CSMD1: variants seen among roughly 807,000 people sequenced by gnomAD.
CSMD1 encodes the protein CUB and sushi domain-containing protein 1.
Under a neutral mutation model 417.5 loss-of-function variants are expected in CSMD1, and 213 were observed. The observed-to-expected ratio is 0.51, with a 90% confidence interval of 0.46 to 0.57. The LOEUF is 0.57. CSMD1 is among the 20% of genes least tolerant of loss of function. CSMD1 has a pLI of 0.00. For missense variants in CSMD1, 6,923 were observed against 4,529.7 expected, an observed-to-expected ratio of 1.53 and a Z score of -15.17; for synonymous variants, 2,862 against 1,736.8, an observed-to-expected ratio of 1.65 and a Z score of -16.11.
intron 3 of CSMD1, among the ~76,000 whole-genome samples, chr8:4,066,501 A>C (rs1799257236): frequency 6.6e-6 from 1 of 152,214 alleles, no homozygotes; most frequent in Admixed American, 6.5e-5. Flanking sequence ...TTGACTTGAT[A>C]GAAAACAATT....
intron 44 of CSMD1, 28 bp from the exon 45 acceptor site, chr8:3,107,826 T>G (rs1448980090): frequency 7.2e-7 from 1 of 1,392,798 alleles, no homozygotes; most frequent in Non-Finnish European, 1.0e-6. Context: ...AGAATAATAA[T>G]AATTGCAATT....
At chr8:4,745,392 G>T (rs535311397) in intron 1 of CSMD1, among the ~76,000 whole-genome samples, 1 of 152,138 alleles carries the variant, frequency 6.6e-6, no homozygotes, top group Non-Finnish European at 1.5e-5. Flanking sequence ...GCTTTAATAA[G>T]TATTAAATAT....
rs1803649378 is a variant in CSMD1 at position 3,292,440 on chromosome 8, CATT to C, written c.3951-8097_3951-8095del. 3.3e-5 allele frequency among the ~76,000 whole-genome samples: 5 copies of C among 152,158 alleles called. No homozygotes were observed. The South Asian group carries it at 1.0e-3, about 32-fold the overall frequency. ...TTGACAGTGGGGTGTTAAAGTCTCC[CATT>C]ATTATTGTGTGGGTGTCTGAGTCTC... is the stretch of plus-strand genomic sequence containing the variant. On this transcript the variant is annotated intron_variant, in intron 25 of 69. Transcript: ENST00000635120.
chr8:4,471,874 G>A (rs966544614), intron 2 of CSMD1, among the ~76,000 whole-genome samples: 80 of 152,218 alleles, frequency 5.3e-4, no homozygotes, highest in African/African-American at 1.9e-3. Flanking sequence ...TACAAAAAAT[G>A]GTGTTTCCAG....
chr8:3,969,299 G>C (rs761463394), intron 5 of CSMD1, among the ~76,000 whole-genome samples: 1 of 152,102 alleles, frequency 6.6e-6, no homozygotes, highest in Non-Finnish European at 1.5e-5. Context: ...ATGAGGCTGG[G>C]TGGAGAAAGG....
Position 2,957,774 on chromosome 8 carries a change from C to T in CSMD1, c.9736G>A (p.Gly3246Ser), listed in dbSNP as rs1347294481. The change falls in exon 63 of 70, where the codon GGC becomes AGC. Residue 3246 changes from glycine (G) to serine (S), a missense_variant. Physicochemically the swap from Gly to Ser is moderately conservative, Grantham distance 56. Transcript: ENST00000635120. ...GSTVFFRCRK[G>S]YHIQGSTTRT... ...GTCGTGGAACCTTGAATATGGTAGC[C>T]TTTTCTGCACCTGAAAAAAACCGTG... is the stretch of plus-strand genomic sequence containing the variant. The T allele has an allele frequency of 4.4e-6, 7 of 1,593,390 alleles. No individual in the cohort carries two copies. Among genetic ancestry groups the T allele is most frequent in the Admixed American group, 1.7e-5 (1 of 57,244 alleles).
At chr8:4,126,841 G>C (rs1802792259) in intron 3 of CSMD1, among the ~76,000 whole-genome samples, 1 of 152,144 alleles carries the variant, frequency 6.6e-6, no homozygotes, top group Non-Finnish European at 1.5e-5. Context: ...GACAAGTAAA[G>C]TGGATGTTGG....
intron 6 of CSMD1, among the ~76,000 whole-genome samples, chr8:3,727,713 G>T (rs1006914830): frequency 3.9e-5 from 6 of 152,204 alleles, no homozygotes; most frequent in Non-Finnish European, 7.3e-5. Context: ...GGGGCAGAAA[G>T]ACTGTCCATA....
chr8:4,753,795 T>A (rs1811496009), intron 1 of CSMD1, among the ~76,000 whole-genome samples: 1 of 152,208 alleles, frequency 6.6e-6, no homozygotes, highest in Non-Finnish European at 1.5e-5. Flanking sequence ...CACTGCCTCC[T>A]CCTTTACTCC....
At chr8:4,674,466 C>T (rs994718789) in intron 1 of CSMD1, among the ~76,000 whole-genome samples, 2 of 152,046 alleles carry the variant, frequency 1.3e-5, no homozygotes, top group African/African-American at 4.8e-5. Context: ...GCAGAGGAGG[C>T]TGTGTGTATA....
At chr8:3,933,227 G>C (rs897515415) in intron 5 of CSMD1, among the ~76,000 whole-genome samples, 1 of 152,104 alleles carries the variant, frequency 6.6e-6, no homozygotes, top group Admixed American at 6.5e-5. Context: ...AGTAGAAAAG[G>C]AGAAGAAACA....
Position 3,413,071 on chromosome 8 carries a change from G to T in CSMD1, c.1562-3466C>A, listed in dbSNP as rs559262635. The stretch of plus-strand genomic sequence containing the variant: ...CATCAAGCCTCAGTTTTCACATTAT[G>T]AGCTTCCTACTTCCTACCTCAAAGG... On this transcript the variant is annotated intron_variant, in intron 12 of 69. Coordinates refer to ENST00000635120, the MANE Select transcript of CSMD1 (RefSeq NM_033225.6). Among the ~76,000 whole-genome samples, 12 of 152,274 alleles carry T rather than the reference G, an allele frequency of 7.9e-5. 1 individual carries two copies. In the South Asian group the frequency reaches 2.1e-3, roughly 26 times the overall value.
rs137953263 is a variant in CSMD1, at chr8:3,368,992, T to C, written c.2899+262A>G. Among the ~76,000 whole-genome samples the C allele has an allele frequency of 5.3e-3, 814 of 152,318 alleles. 11 individuals carry two copies. The highest frequency in any genetic ancestry group is 0.018 in the African/African-American group (769 of 41,578). ...TAGATGCCTTTATTCCTTACCACGA[T>C]AGCTATATTTCAAGCTTATGTTCAC... On this transcript the variant is annotated intron_variant, in intron 19 of 69. Transcript: ENST00000635120.
intron 10 of CSMD1, among the ~76,000 whole-genome samples, chr8:3,524,432 T>A (rs985633881): frequency 7.0e-6 from 1 of 143,122 alleles, no homozygotes; most frequent in Non-Finnish European, 1.5e-5. Flanking sequence ...CAGACACATC[T>A]GCATCTGCAC....
intron 12 of CSMD1, among the ~76,000 whole-genome samples, chr8:3,459,872 T>TAA: frequency 1.3e-5 from 2 of 151,214 alleles, no homozygotes; most frequent in South Asian, 2.1e-4. Flanking sequence ...AACTAAGACT[T>TAA]AAAAAAAAAC....
intron 3 of CSMD1, among the ~76,000 whole-genome samples, chr8:4,211,191 GA>G (rs1308517543): frequency 4.0e-5 from 6 of 151,260 alleles, no homozygotes; most frequent in Admixed American, 1.3e-4. Flanking sequence ...GTATTTCAGG[GA>G]AAGTCATTTG....
chr8:4,381,391 G>C (rs1584987141), intron 3 of CSMD1, among the ~76,000 whole-genome samples: 1 of 152,078 alleles, frequency 6.6e-6, no homozygotes, highest in African/African-American at 2.4e-5. Context: ...AGTAAGCAGG[G>C]GTGGAAAACC....
intron 3 of CSMD1, among the ~76,000 whole-genome samples, chr8:4,218,561 G>A (rs575331077): frequency 2.0e-5 from 3 of 152,104 alleles, no homozygotes; most frequent in Admixed American, 2.0e-4. Context: ...GAGTCAAGTT[G>A]TCTATGTTCT....
intron 5 of CSMD1, among the ~76,000 whole-genome samples, chr8:3,764,278 C>G (rs1379615104): frequency 6.6e-6 from 1 of 152,318 alleles, no homozygotes; most frequent in East Asian, 1.9e-4. Context: ...GTGTTCCCGT[C>G]CAAACCCTGG....
Sources: gnomAD v4.1 joint callset for allele counts (sites outside exome capture counted in the v4.1 genomes callset) on GRCh38, gnomAD v4.1.1 for gene constraint, MANE v1.5 for transcripts, NCBI Gene and HGNC (gene_info 2026-07-23, HGNC 2026-07-21) for gene names.